Variants in PEAK1 observed in about 807,000 individuals in gnomAD.
The protein encoded by PEAK1 is inactive tyrosine-protein kinase PEAK1.
A neutral mutation model predicts 124.7 loss-of-function variants in PEAK1; 54 were observed. That is an observed-to-expected ratio of 0.43 (90% CI 0.35 to 0.54). PEAK1 has a LOEUF of 0.54. Ranked by LOEUF, PEAK1 falls within the 20% of genes least tolerant of loss-of-function variation. PEAK1 has a pLI of 0.01. For missense variants in PEAK1, 2,046 were observed against 2,134.5 expected, an observed-to-expected ratio of 0.96 and a Z score of 0.82; for synonymous variants, 719 against 760.0, an observed-to-expected ratio of 0.95 and a Z score of 0.89.
intron 1 of PEAK1, among the ~76,000 whole-genome samples, chr15:77,408,038 C>A (rs2072023944): frequency 6.6e-6 from 1 of 150,760 alleles, no homozygotes; most frequent in Non-Finnish European, 1.5e-5. Flanking sequence ...CACATATATA[C>A]ATATATACAC....
At chr15:77,258,405 A>G (rs2061277071) in intron 5 of PEAK1, among the ~76,000 whole-genome samples, 1 of 151,976 alleles carries the variant, frequency 6.6e-6, no homozygotes, top group Non-Finnish European at 1.5e-5. Flanking sequence ...TATTTCATTG[A>G]GCAGTGGTTT....
intron 7 of PEAK1, among the ~76,000 whole-genome samples, chr15:77,165,126 C>T (rs978930693): frequency 6.6e-6 from 1 of 151,896 alleles, no homozygotes; most frequent in Non-Finnish European, 1.5e-5. Context: ...GTCTTGATAT[C>T]CTGACCTCAG....
chr15:77,259,793 A>G (rs1402019596), intron 5 of PEAK1, among the ~76,000 whole-genome samples: 3 of 152,214 alleles, frequency 2.0e-5, no homozygotes, highest in Non-Finnish European at 4.4e-5. Context: ...TCAGCCAGAA[A>G]GAAATTTACC....
chr15:77,127,728 T>C (rs1190901757), intron 9 of PEAK1, among the ~76,000 whole-genome samples: 1 of 152,166 alleles, frequency 6.6e-6, no homozygotes, highest in African/African-American at 2.4e-5. Context: ...AAAGGAATTG[T>C]TGAGCAAAAA....
At chr15:77,254,446 T>C (rs2061032809) in intron 5 of PEAK1, among the ~76,000 whole-genome samples, 1 of 152,108 alleles carries the variant, frequency 6.6e-6, no homozygotes, top group Non-Finnish European at 1.5e-5. Flanking sequence ...TGTTTGTTTG[T>C]TTAAAAGGCA....
chr15:77,388,954 T>C (rs932794170), intron 1 of PEAK1, among the ~76,000 whole-genome samples: 2 of 151,246 alleles, frequency 1.3e-5, no homozygotes, highest in African/African-American at 2.5e-5. Flanking sequence ...CTACCTTCTT[T>C]TGCTTATTTT....
intron 1 of PEAK1, among the ~76,000 whole-genome samples, chr15:77,383,732 G>A (rs764534558): frequency 2.6e-5 from 4 of 152,166 alleles, no homozygotes; most frequent in Admixed American, 6.5e-5. Context: ...GCACAGAAAT[G>A]TGATCTAATA....
At chr15:77,236,745 T>C (rs2060142481) in intron 6 of PEAK1, among the ~76,000 whole-genome samples, 1 of 152,186 alleles carries the variant, frequency 6.6e-6, no homozygotes, top group African/African-American at 2.4e-5. Flanking sequence ...TCTTAAACTG[T>C]AGTTCCCATA....
chr15:77,132,935 G>T, intron 9 of PEAK1, 70 bp downstream of exon 9: 1 of 1,439,126 alleles, frequency 6.9e-7, no homozygotes, highest in Non-Finnish European at 9.4e-7. Flanking sequence ...AAGGAGAAAA[G>T]CAGAATGAAT....
chr15:77,285,296 T>C (rs2062867919), intron 3 of PEAK1, among the ~76,000 whole-genome samples: 1 of 152,192 alleles, frequency 6.6e-6, no homozygotes, highest in Non-Finnish European at 1.5e-5. Context: ...GTCTAGCACA[T>C]AGTAAGTGCT....
intron 1 of PEAK1, among the ~76,000 whole-genome samples, chr15:77,390,023 T>G (rs753722315): frequency 3.3e-5 from 5 of 152,248 alleles, no homozygotes; most frequent in Non-Finnish European, 7.3e-5. Context: ...TATTCATCAT[T>G]AACCCTCATA....
chr15:77,143,265 A>G (rs747757388), intron 8 of PEAK1, among the ~76,000 whole-genome samples: 10 of 152,180 alleles, frequency 6.6e-5, no homozygotes, highest in Admixed American at 2.0e-4. Context: ...GACCTTTCAG[A>G]GATGAAGCAC....
intron 1 of PEAK1, among the ~76,000 whole-genome samples, chr15:77,389,944 G>C (rs2070310485): frequency 6.6e-6 from 1 of 152,174 alleles, no homozygotes; most frequent in Non-Finnish European, 1.5e-5. Context: ...ATTTGAAACA[G>C]AATGATGATA....
rs1339280578 is a variant in PEAK1, at chr15:77,115,002, C to T, written c.4395G>A (p.Glu1465=). 4 of 1,614,156 alleles carry T rather than the reference C, an allele frequency of 2.5e-6. No individual in the cohort carries two copies. In the East Asian group the frequency reaches 6.7e-5, roughly 27 times the overall value. The change falls in exon 10 of 10, where the codon GAG becomes GAA. Residue 1465 remains glutamate (E), a synonymous_variant. Coordinates refer to ENST00000682557, the MANE Select transcript of PEAK1 (RefSeq NM_001385026.1). Reference sequence around the variant, plus strand: ...AATCAGCCACAGTAAGACATGGAACCTCCCTGGTGATGACCACAACGTGGC... The same window carrying T: ...AATCAGCCACAGTAAGACATGGAACTTCCCTGGTGATGACCACAACGTGGC... ...QRSHVVVITR[E]VPCLTVADFV...
chr15:77,337,915 G>C, intron 2 of PEAK1: 1 of 984,686 alleles, frequency 1.0e-6, no homozygotes, highest in South Asian at 4.7e-5. Flanking sequence ...AGCTAAATCT[G>C]TCAATAATTT....
At chr15:77,162,122 TAAAC>T (rs2055702479) in intron 7 of PEAK1, among the ~76,000 whole-genome samples, 1 of 151,808 alleles carries the variant, frequency 6.6e-6, no homozygotes. Context: ...ATAAACAACA[TAAAC>T]AGACAAATCA....
At chr15:77,333,218 C>A in intron 2 of PEAK1, 1 of 909,466 alleles carries the variant, frequency 1.1e-6, no homozygotes, top group Non-Finnish European at 1.3e-6. Flanking sequence ...CTCCTAGGCT[C>A]AAGCCATCCT....
In PEAK1 at chr15:77,110,906, T is replaced by C. The variant is rs962435650; in HGVS notation, c.*3250A>G. On this transcript the variant is annotated 3_prime_UTR_variant, in exon 10 of 10. Transcript: ENST00000682557. The stretch of plus-strand genomic sequence containing the variant: ...CACAGGAGGCTTCTTGAAGTTCTAG[T>C]CCTCTTTATGAAACATCCACTGAAT... 1 of 152,244 alleles carries C rather than the reference T, an allele frequency of 6.6e-6. No individual in the cohort carries two copies. The highest frequency in any genetic ancestry group is 1.5e-5 in the Non-Finnish European group (1 of 68,060). 9.4% of individuals were successfully genotyped at this position (152,244 alleles called of 1,614,324 possible).
chr15:77,201,837 A>G (rs1317125565), intron 6 of PEAK1, among the ~76,000 whole-genome samples: 2 of 152,212 alleles, frequency 1.3e-5, no homozygotes, highest in African/African-American at 4.8e-5. Flanking sequence ...CTTGGAATAC[A>G]GCCTGTCACT....
Sources: gnomAD v4.1 joint callset for allele counts (sites outside exome capture counted in the v4.1 genomes callset) on GRCh38, gnomAD v4.1.1 for gene constraint, MANE v1.5 for transcripts, NCBI Gene and HGNC (gene_info 2026-07-23, HGNC 2026-07-21) for gene names.